Variants in MAP2 observed in about 807,000 individuals in gnomAD.
The protein encoded by MAP2 is microtubule associated protein 2.
Under a neutral mutation model 137.6 loss-of-function variants are expected in MAP2, and 14 were observed. The observed-to-expected ratio is 0.10, with a 90% CI of 0.07 to 0.16. The LOEUF (loss-of-function observed/expected upper bound fraction) is 0.16, where lower values mean the gene tolerates loss of function less well. Ranked by LOEUF, MAP2 falls within the 10% of genes least tolerant of loss-of-function variation. The pLI is 1.00. For missense variants in MAP2, 2,088 were observed against 2,191.5 expected (o/e 0.95, Z 0.94); for synonymous variants, 786 against 782.3 (o/e 1.00, Z -0.08).
intron 1 of MAP2, among the ~76,000 whole-genome samples, chr2:209,434,831 CTCTATA>C (rs1479609706): frequency 7.2e-5 from 8 of 110,430 alleles, no homozygotes; most frequent in Middle Eastern, 4.4e-3. Context: ...CTCTCTCTCT[CTCTATA>C]TATATATATA....
chr2:209,446,670 C>T (rs1699139886), intron 1 of MAP2, among the ~76,000 whole-genome samples: 1 of 151,796 alleles, frequency 6.6e-6, no homozygotes, highest in African/African-American at 2.4e-5. Flanking sequence ...TTCCAGCTGA[C>T]TTTTCTCCCC....
chr2:209,712,402 C>T (rs566689693), intron 13 of MAP2, among the ~76,000 whole-genome samples: 1 of 152,194 alleles, frequency 6.6e-6, no homozygotes, highest in East Asian at 1.9e-4. Flanking sequence ...TCATTTGAAG[C>T]AAATATGTTT....
intron 2 of MAP2, 144 bp downstream of exon 2, chr2:209,507,785 T>C (rs939767261): frequency 6.6e-5 from 10 of 152,152 alleles, no homozygotes; most frequent in Non-Finnish European, 1.3e-4. Context: ...ATTTCGGAGT[T>C]GGCCTACTAG....
intron 1 of MAP2, among the ~76,000 whole-genome samples, chr2:209,489,323 A>G (rs893528529): frequency 3.9e-5 from 6 of 152,200 alleles, no homozygotes; most frequent in Non-Finnish European, 8.8e-5. Flanking sequence ...ATAATCCACA[A>G]AGATGAGGAA....
In MAP2 at chr2:209,468,266, G is replaced by C. The variant is rs112848243; in HGVS notation, c.-221-39326G>C. ...CATCTCTCCTAGTAGGCTAATTTCA[G>C]TTTTTAGAAAACTAAAAAGTCTCAT... On this transcript the variant is annotated intron_variant, in intron 1 of 15. Coordinates refer to ENST00000682079, the MANE Select transcript of MAP2 (RefSeq NM_001375505.1). Among the ~76,000 whole-genome samples the C allele has an allele frequency of 6.7e-3, 899 of 134,524 alleles. 6 individuals are homozygous for C. Among genetic ancestry groups the C allele is most frequent in the African/African-American group, 0.023 (845 of 36,206 alleles). The allele number at this position is 134,524 out of a possible 152,430, so 88.3% of individuals were successfully genotyped here.
chr2:209,683,745 C>T (rs2055814936), intron 7 of MAP2, among the ~76,000 whole-genome samples: 1 of 152,148 alleles, frequency 6.6e-6, no homozygotes, highest in South Asian at 2.1e-4. Context: ...TTGATACCCT[C>T]AAAGCAACTT....
chr2:209,723,056 C>T (rs1437765763), intron 13 of MAP2, among the ~76,000 whole-genome samples: 21 of 152,190 alleles, frequency 1.4e-4, no homozygotes, highest in Non-Finnish European at 2.6e-4. Flanking sequence ...GGGGTTCTTA[C>T]CCTAGATGAA....
intron 1 of MAP2, among the ~76,000 whole-genome samples, chr2:209,425,627 A>G (rs1692345611): frequency 6.6e-6 from 1 of 152,216 alleles, no homozygotes; most frequent in African/African-American, 2.4e-5. Flanking sequence ...GCAAACTGAA[A>G]TTGAGGTTTG....
intron 10 of MAP2, among the ~76,000 whole-genome samples, chr2:209,697,888 G>A (rs577139695): frequency 5.9e-5 from 9 of 152,016 alleles, no homozygotes; most frequent in Middle Eastern, 3.4e-3. Flanking sequence ...TCGCTCTGTC[G>A]CCCAGGCTGG....
intron 3 of MAP2, among the ~76,000 whole-genome samples, chr2:209,610,489 G>A (rs1009749648): frequency 9.2e-5 from 14 of 151,668 alleles, no homozygotes; most frequent in African/African-American, 2.9e-4. Context: ...TAAGAAAGGC[G>A]AAATTTGCTG....
At chr2:209,519,805 AC>A (rs35750517) in intron 2 of MAP2, among the ~76,000 whole-genome samples, 33,889 of 151,802 alleles carry the variant, frequency 0.22, 5,052 homozygotes, top group African/African-American at 0.42. Flanking sequence ...ATATTCTAAA[AC>A]AAATAACAAA....
At chr2:209,503,781 G>GTAA (rs1262841703) in intron 1 of MAP2, among the ~76,000 whole-genome samples, 1 of 152,134 alleles carries the variant, frequency 6.6e-6, no homozygotes, top group African/African-American at 2.4e-5. Context: ...AAATACGACA[G>GTAA]TAAGCACCTT....
chr2:209,508,769 TG>T (rs1290093632), intron 2 of MAP2, among the ~76,000 whole-genome samples: 1 of 152,078 alleles, frequency 6.6e-6, no homozygotes, highest in Non-Finnish European at 1.5e-5. Flanking sequence ...CTACAAGTAT[TG>T]GTTTCAAGTC....
chr2:209,431,197 A>C (rs1694179236), intron 1 of MAP2, among the ~76,000 whole-genome samples: 1 of 152,140 alleles, frequency 6.6e-6, no homozygotes, highest in Non-Finnish European at 1.5e-5. Context: ...GGGTATTAAT[A>C]GGAATGCAAA....
In MAP2 at chr2:209,540,568, T is replaced by A. The variant is rs1266918561; in HGVS notation, c.-172+32927T>A. Among the ~76,000 whole-genome samples the A allele has an allele frequency of 2.3e-5, 3 of 129,614 alleles. 1 individual carries two copies. The highest frequency in any genetic ancestry group is 9.3e-5 in the African/African-American group (3 of 32,274). The allele number at this position is 129,614 out of a possible 152,430, so 85.0% of individuals were successfully genotyped here. A position where few individuals can be genotyped will look rare whatever the true frequency, so the allele number is the denominator to read the frequency against. ...ATCACTTGAACCCAGGAGGCGGAGG[T>A]TGCAGTGAGCTGAGATCGCGCCATT... On this transcript the variant is annotated intron_variant, in intron 2 of 15. Transcript: ENST00000682079.
intron 1 of MAP2, among the ~76,000 whole-genome samples, chr2:209,482,487 C>T (rs561375367): frequency 1.3e-5 from 2 of 152,188 alleles, no homozygotes; most frequent in East Asian, 1.9e-4. Context: ...CAGTTCTTTC[C>T]CCTTTGACAC....
At position 209,723,358 on chromosome 2, in the gene MAP2, C is replaced by G. The variant is rs73074724; in HGVS notation, c.5074-2351C>G. ...TCCATATAACTGTTTCCAGATCATA[C>G]CTAAGTACAGTGGGATTTCTTAGCC... is the stretch of plus-strand genomic sequence containing the variant. On this transcript the variant is annotated intron_variant, in intron 13 of 15. Coordinates refer to ENST00000682079, the MANE Select transcript of MAP2 (RefSeq NM_001375505.1). Among the ~76,000 whole-genome samples the G allele has an allele frequency of 3.0e-3, 453 of 152,258 alleles. 4 individuals are homozygous for G. The highest frequency in any genetic ancestry group is 0.01 in the African/African-American group (426 of 41,542).
chr2:209,507,030 T>A (rs948492878), intron 1 of MAP2, among the ~76,000 whole-genome samples: 1 of 152,152 alleles, frequency 6.6e-6, no homozygotes, highest in African/African-American at 2.4e-5. Flanking sequence ...AAGAGCGCTC[T>A]CTGTGATCTC....
At chr2:209,611,752 A>G (rs1373486286) in intron 3 of MAP2, among the ~76,000 whole-genome samples, 1 of 152,134 alleles carries the variant, frequency 6.6e-6, no homozygotes, top group Non-Finnish European at 1.5e-5. Flanking sequence ...AGAACAAAGT[A>G]TAATACATGA....
Sources: gnomAD v4.1 joint callset for allele counts (sites outside exome capture counted in the v4.1 genomes callset) on GRCh38, gnomAD v4.1.1 for gene constraint, MANE v1.5 for transcripts, NCBI Gene and HGNC (gene_info 2026-07-23, HGNC 2026-07-21) for gene names.